Variants in GSDMC observed in about 807,000 individuals in gnomAD.
The protein encoded by GSDMC is gasdermin C.
A neutral mutation model predicts 58.0 loss-of-function variants in GSDMC; 59 were observed. That is an observed-to-expected ratio of 1.02 (90% CI 0.82 to 1.26). The LOEUF is 1.26. GSDMC is among the 50% of genes most tolerant of loss of function. GSDMC has a pLI of 0.00. For missense variants in GSDMC, 659 were observed against 598.5 expected (o/e 1.10, Z -1.06); for synonymous variants, 241 against 220.2 (o/e 1.09, Z -0.83).
intron 10 of GSDMC, 33 bp downstream of exon 10, chr8:129,751,509 G>A (rs1413150851): frequency 6.3e-7 from 1 of 1,590,722 alleles, no homozygotes; most frequent in South Asian, 1.1e-5. Context: ...CTCCCACCCA[G>A]AAGCCCCAGG....
chr8:129,763,199 A>G (rs2033736527), intron 4 of GSDMC, among the ~76,000 whole-genome samples: 1 of 152,206 alleles, frequency 6.6e-6, no homozygotes, highest in South Asian at 2.1e-4. Context: ...GATGGGGGAC[A>G]CATTTTTTTG....
chr8:129,771,029 G>A (rs1418686446), intron 3 of GSDMC, among the ~76,000 whole-genome samples: 1 of 149,304 alleles, frequency 6.7e-6, no homozygotes, highest in Non-Finnish European at 1.5e-5. Flanking sequence ...ATATATATAT[G>A]TATATGTATA....
At chr8:129,770,077 A>G (rs1056150076) in intron 3 of GSDMC, among the ~76,000 whole-genome samples, 1 of 152,242 alleles carries the variant, frequency 6.6e-6, no homozygotes, top group Non-Finnish European at 1.5e-5. Context: ...AAATAACTCT[A>G]TAATAATTTC....
chr8:129,767,657 C>G (rs190636072), intron 3 of GSDMC, among the ~76,000 whole-genome samples: 19 of 152,262 alleles, frequency 1.2e-4, no homozygotes, highest in African/African-American at 4.6e-4. Context: ...AGCCAGTGAC[C>G]CAGCACAAAC....
In GSDMC at chr8:129,762,626, C is replaced by T. The variant is rs768762583; in HGVS notation, c.676G>A (p.Ala226Thr). ...KRKQLVIKEK[A>T]ILISDDDEQR... ...CCTTGCTGAGCTCCGCTGCTCCCAC[C>T]TTTCTCCTTGATAACCAGCTGCTTT... Residue 226 changes from alanine to threonine, a missense_variant and splice_region_variant, in exon 5 of 14, where the codon GCC (alanine) becomes ACC (threonine). Transcript: ENST00000276708. The T allele has an allele frequency of 3.8e-6, 6 of 1,599,364 alleles. No individual in the cohort carries two copies. The highest frequency in any genetic ancestry group is 1.7e-5 in the Admixed American group (1 of 60,000).
At chr8:129,750,613 CT>C in intron 10 of GSDMC, 43 bp from the exon 11 acceptor site, 1 of 1,598,020 alleles carries the variant, frequency 6.3e-7, no homozygotes, top group Non-Finnish European at 8.6e-7. Context: ...GGGGACAAGT[CT>C]TTGATTAGAA....
the GSDMC span, among the ~76,000 whole-genome samples, chr8:129,717,932 C>T: frequency 6.6e-6 from 1 of 152,182 alleles, no homozygotes; most frequent in Non-Finnish European, 1.5e-5. Context: ...AAAGAATCCT[C>T]TATTTAATAA....
chr8:129,771,460 A>G (rs972257936), intron 3 of GSDMC, among the ~76,000 whole-genome samples: 1 of 152,250 alleles, frequency 6.6e-6, no homozygotes, highest in African/African-American at 2.4e-5. Flanking sequence ...GACAGAAATT[A>G]TTTCAAGTAT....
downstream of GSDMC, among the ~76,000 whole-genome samples, chr8:129,747,052 C>T (rs1227323497): frequency 6.6e-6 from 1 of 151,720 alleles, no homozygotes; most frequent in African/African-American, 2.4e-5. Context: ...GAGTTCAAGA[C>T]CATCCCGGCC....
chr8:129,724,830 A>C, the GSDMC span, among the ~76,000 whole-genome samples: 1 of 152,186 alleles, frequency 6.6e-6, no homozygotes, highest in Non-Finnish European at 1.5e-5. Flanking sequence ...GAAGGAATAC[A>C]GGGCCTTGAA....
the GSDMC span, among the ~76,000 whole-genome samples, chr8:129,730,989 A>C: frequency 1.3e-5 from 2 of 152,250 alleles, no homozygotes; most frequent in Non-Finnish European, 2.9e-5. Flanking sequence ...TTAATGAATT[A>C]TCAAAAATTC....
At chr8:129,772,226 A>T (rs1251139312) in intron 3 of GSDMC, among the ~76,000 whole-genome samples, 1 of 147,110 alleles carries the variant, frequency 6.8e-6, no homozygotes, top group Non-Finnish European at 1.5e-5. Flanking sequence ...GCGCCACTGC[A>T]CTCCAGCCTG....
the GSDMC span, among the ~76,000 whole-genome samples, chr8:129,724,226 T>G: frequency 3.3e-5 from 5 of 152,208 alleles, no homozygotes; most frequent in African/African-American, 9.7e-5. Flanking sequence ...CAGGTGACTA[T>G]AGCCCTTGCC....
chr8:129,717,251 T>A, the GSDMC span, among the ~76,000 whole-genome samples: 2 of 8,766 alleles, frequency 2.3e-4, no homozygotes, highest in African/African-American at 1.7e-3. Flanking sequence ...GGTCCTGGGC[T>A]TTTTTTTTTT....
chr8:129,745,445 T>C (rs1477584821), downstream of GSDMC, among the ~76,000 whole-genome samples: 1 of 152,186 alleles, frequency 6.6e-6, no homozygotes, highest in East Asian at 1.9e-4. Flanking sequence ...TTATCCAGCC[T>C]CATGACTTTA....
At chr8:129,755,097 A>G (rs920047360) in intron 6 of GSDMC, among the ~76,000 whole-genome samples, 12 of 152,210 alleles carry the variant, frequency 7.9e-5, no homozygotes, top group African/African-American at 2.7e-4. Flanking sequence ...AAAGATACCA[A>G]CATTCAAGTA....
intron 4 of GSDMC, among the ~76,000 whole-genome samples, chr8:129,764,988 T>A (rs2033806323): frequency 6.6e-6 from 1 of 152,210 alleles, no homozygotes; most frequent in Non-Finnish European, 1.5e-5. Flanking sequence ...CATATCGGGT[T>A]TCTTCTTTAG....
the GSDMC span, among the ~76,000 whole-genome samples, chr8:129,725,969 C>T: frequency 6.6e-6 from 1 of 152,066 alleles, no homozygotes. Flanking sequence ...TATGTGTTAA[C>T]CAAGATTCCA....
chr8:129,718,994 G>A, the GSDMC span, among the ~76,000 whole-genome samples: 5 of 152,176 alleles, frequency 3.3e-5, no homozygotes, highest in South Asian at 2.1e-4. Context: ...GAGAACACAC[G>A]GACACAGGGA....
Sources: allele counts gnomAD v4.1 joint callset (sites outside exome capture counted in the v4.1 genomes callset), GRCh38; gene constraint gnomAD v4.1.1; transcripts MANE v1.5; gene names NCBI Gene and HGNC (gene_info 2026-07-23, HGNC 2026-07-21).